Variants in CDH18 observed in about 807,000 individuals in gnomAD.
CDH18 encodes cadherin 18.
Under a neutral mutation model 67.9 loss-of-function variants are expected in CDH18, and 31 were observed. That is an observed-to-expected ratio of 0.46 (90% CI 0.34 to 0.62). The LOEUF is 0.62. CDH18 is among the 20% of genes least tolerant of loss of function. CDH18 has a pLI of 0.01. For missense variants in CDH18, 890 were observed against 975.5 expected (o/e 0.91, Z 1.17); for synonymous variants, 362 against 347.2 (o/e 1.04, Z -0.48).
At chr5:19,844,446 C>T (rs560336908) in intron 2 of CDH18, among the ~76,000 whole-genome samples, 2 of 152,264 alleles carry the variant, frequency 1.3e-5, no homozygotes, top group African/African-American at 4.8e-5. Flanking sequence ...GTTTGTTTCT[C>T]CTTCCACCAA....
chr5:19,625,909 C>T (rs902366532), intron 5 of CDH18, among the ~76,000 whole-genome samples: 4 of 152,108 alleles, frequency 2.6e-5, no homozygotes, highest in Non-Finnish European at 5.9e-5. Context: ...AAGAGAGTCC[C>T]TTTTCCCCCC....
intron 2 of CDH18, among the ~76,000 whole-genome samples, chr5:20,161,942 T>C (rs1466254262): frequency 1.3e-5 from 2 of 148,476 alleles, no homozygotes; most frequent in Non-Finnish European, 3.0e-5. Flanking sequence ...TTCTCAGTGA[T>C]TTTTTTTTTC....
At position 20,343,839 on chromosome 5, in the gene CDH18, C is replaced by T. The variant is rs542367995; in HGVS notation, c.-579-88334G>A. Among the ~76,000 whole-genome samples, 69 of 152,158 alleles carry T rather than the reference C, an allele frequency of 4.5e-4. 2 individuals carry two copies. In the South Asian group the frequency reaches 0.011, roughly 25 times the overall value. On this transcript the variant is annotated intron_variant, in intron 1 of 14. Coordinates refer to the CDH18 transcript ENST00000507958. ...TAAATACCATCAGGAAATTGACAAA[C>T]GAGTATCCTCACTTTTCCTTCCATG...
At chr5:19,501,535 G>A (rs1743250825) in intron 11 of CDH18, among the ~76,000 whole-genome samples, 1 of 150,010 alleles carries the variant, frequency 6.7e-6, no homozygotes, top group Non-Finnish European at 1.5e-5. Context: ...AAAAAAGAAT[G>A]TGGGATTCAA....
intron 2 of CDH18, among the ~76,000 whole-genome samples, chr5:20,004,493 T>C (rs887062928): frequency 6.6e-6 from 1 of 152,204 alleles, no homozygotes; most frequent in Non-Finnish European, 1.5e-5. Flanking sequence ...TGGCAAGCTA[T>C]TGTCTTCACT....
intron 6 of CDH18, among the ~76,000 whole-genome samples, chr5:19,606,235 G>A (rs1053036120): frequency 2.6e-5 from 4 of 152,080 alleles, no homozygotes; most frequent in African/African-American, 9.7e-5. Context: ...CTCTTTGAAA[G>A]ATTGCACAAT....
At chr5:19,892,773 C>A (rs1047259857) in intron 2 of CDH18, among the ~76,000 whole-genome samples, 1 of 152,046 alleles carries the variant, frequency 6.6e-6, no homozygotes, top group African/African-American at 2.4e-5. Context: ...ATTTTCTAGG[C>A]CCAGTCAAGA....
Position 19,628,204 on chromosome 5 carries a change from T to C in CDH18, c.644-15603A>G, listed in dbSNP as rs115527663. 6.3e-3 allele frequency among the ~76,000 whole-genome samples: 958 copies of C among 152,244 alleles called. 9 individuals are homozygous for C. Among genetic ancestry groups the C allele is most frequent in the African/African-American group, 0.022 (919 of 41,554 alleles). ...TCTTTCGCTTGATTCTCATTCTCTC[T>C]TGTCTGTTGCCAGGTAAGACATGCC... On this transcript the variant is annotated intron_variant, in intron 5 of 12. Coordinates refer to ENST00000382275, the MANE Select transcript of CDH18 (RefSeq NM_004934.5).
At chr5:19,809,544 T>C (rs1168240621) in intron 3 of CDH18, among the ~76,000 whole-genome samples, 1 of 152,100 alleles carries the variant, frequency 6.6e-6, no homozygotes, top group African/African-American at 2.4e-5. Context: ...AAAATTAGAC[T>C]ATATACTCAC....
rs564300539 is a variant in CDH18, at chr5:20,545,399, G to T, written c.-580+30063C>A. On this transcript the variant is annotated intron_variant, in intron 1 of 14. Transcript: ENST00000507958. ...TTCCCTCTGCATTGCCCTAGCAGAG[G>T]TTCTCCATGAGGGCTCCACCCCTGC... Among the ~76,000 whole-genome samples, 3 of 152,328 alleles carry T rather than the reference G, an allele frequency of 2.0e-5. No homozygotes were observed. The East Asian group carries it at 5.8e-4, about 29-fold the overall frequency.
At chr5:20,561,254 T>C (rs1214102446) in intron 1 of CDH18, among the ~76,000 whole-genome samples, 1 of 152,152 alleles carries the variant, frequency 6.6e-6, no homozygotes, top group Non-Finnish European at 1.5e-5. Context: ...TGTTCTTTGG[T>C]ACTTACCCAA....
At chr5:20,483,661 A>G (rs2126327653) in intron 1 of CDH18, among the ~76,000 whole-genome samples, 1 of 152,016 alleles carries the variant, frequency 6.6e-6, no homozygotes, top group East Asian at 1.9e-4. Flanking sequence ...GCCAAAAAAA[A>G]AAAACATACA....
intron 1 of CDH18, among the ~76,000 whole-genome samples, chr5:20,408,091 C>T (rs890916985): frequency 9.2e-5 from 14 of 151,824 alleles, no homozygotes; most frequent in African/African-American, 3.4e-4. Flanking sequence ...CTTTTTAGGC[C>T]AAAAGGGCCT....
intron 1 of CDH18, among the ~76,000 whole-genome samples, chr5:20,533,171 G>A (rs1432685990): frequency 1.3e-5 from 2 of 152,066 alleles, no homozygotes; most frequent in Non-Finnish European, 2.9e-5. Context: ...GCAAGTCAAG[G>A]AATGTCTAAG....
intron 1 of CDH18, among the ~76,000 whole-genome samples, chr5:20,514,958 A>C (rs1003587032): frequency 8.5e-5 from 13 of 152,124 alleles, no homozygotes; most frequent in Admixed American, 8.5e-4. Flanking sequence ...AACAATCTTC[A>C]TAGATATGAC....
At chr5:19,844,798 T>C (rs1782740375) in intron 2 of CDH18, among the ~76,000 whole-genome samples, 1 of 152,188 alleles carries the variant, frequency 6.6e-6, no homozygotes, top group South Asian at 2.1e-4. Context: ...CTAGCTATGT[T>C]GTTCTAGTGG....
intron 5 of CDH18, among the ~76,000 whole-genome samples, chr5:19,629,936 T>C (rs1398662799): frequency 2.0e-5 from 3 of 152,002 alleles, no homozygotes; most frequent in African/African-American, 7.2e-5. Context: ...TTTATTTTTA[T>C]TTATTTATTT....
At chr5:20,037,371 C>A (rs974935039) in intron 2 of CDH18, among the ~76,000 whole-genome samples, 1 of 152,002 alleles carries the variant, frequency 6.6e-6, no homozygotes, top group Non-Finnish European at 1.5e-5. Context: ...TAGACATCTA[C>A]AGAACTCTCC....
chr5:19,609,467 T>C (rs1397809496), intron 6 of CDH18, among the ~76,000 whole-genome samples: 1 of 151,924 alleles, frequency 6.6e-6, no homozygotes, highest in Non-Finnish European at 1.5e-5. Flanking sequence ...TTATCTGACT[T>C]GTATCCTAAG....
Sources: gnomAD v4.1 joint callset for allele counts (sites outside exome capture counted in the v4.1 genomes callset) on GRCh38, gnomAD v4.1.1 for gene constraint, MANE v1.5 for transcripts, NCBI Gene and HGNC (gene_info 2026-07-23, HGNC 2026-07-21) for gene names.